MAMLD1: variants seen among roughly 807,000 people sequenced by gnomAD.
The protein encoded by MAMLD1 is mastermind-like domain-containing protein 1.
Under a neutral mutation model 45.0 loss-of-function variants are expected in MAMLD1, and 14 were observed. That is an observed-to-expected ratio of 0.31 (90% CI 0.21 to 0.49). The LOEUF is 0.49. Among genes scored for constraint, MAMLD1 ranks in the 20% least tolerant of loss-of-function variants. The pLI, the probability that MAMLD1 is intolerant of heterozygous loss-of-function variation, is 0.99. For missense variants in MAMLD1, 543 were observed against 603.6 expected (o/e 0.90, Z 1.05); for synonymous variants, 254 against 247.8 (o/e 1.02, Z -0.24).
At chrX:150,463,094 GA>G (rs1443168852) in intron 3 of MAMLD1, among the ~76,000 whole-genome samples, 2 of 112,509 alleles carry the variant, frequency 1.8e-5, no homozygotes, top group Non-Finnish European at 3.8e-5. Context: ...AAATTTAGGT[GA>G]AATGTAGATT....
Position 150,398,338 on chromosome X carries a change from GAA to G in MAMLD1, c.-64+34809_-64+34810del, listed in dbSNP as rs1569564628. Among the ~76,000 whole-genome samples the G allele has an allele frequency of 6.6e-3, 446 of 67,490 alleles. 4 individuals carry two copies. The highest frequency in any genetic ancestry group is 0.011 in the Non-Finnish European group (359 of 33,637). The allele number at this position is 67,490 out of a possible 115,157, so 58.6% of individuals were successfully genotyped here. On this transcript the variant is annotated intron_variant, in intron 1 of 7. Coordinates refer to ENST00000370401, the MANE Select transcript of MAMLD1 (RefSeq NM_005491.5). ...AGAAGAAGAAGAAGAAGAAGAAGAAGAAGAGGAAGAGGAAGAGGAAGAGGAAG... is the reference window on the plus strand; with the variant it reads ...AGAAGAAGAAGAAGAAGAAGAAGAAGGAGGAAGAGGAAGAGGAAGAGGAAG...
At chrX:150,462,172 A>C (rs193197979) in intron 2 of MAMLD1, among the ~76,000 whole-genome samples, 8 of 112,432 alleles carry the variant, frequency 7.1e-5, no homozygotes, top group African/African-American at 2.6e-4. Context: ...ATGTGTGTCC[A>C]AGAGTTAAAC....
chrX:150,438,301 T>G (rs1170555936), intron 1 of MAMLD1, among the ~76,000 whole-genome samples: 3 of 112,288 alleles, frequency 2.7e-5, no homozygotes, highest in African/African-American at 9.7e-5. Flanking sequence ...CATTTTACAT[T>G]CCCACCAGCA....
chrX:150,509,438 G>A (rs1216302882), intron 6 of MAMLD1: 3 of 122,355 alleles, frequency 2.5e-5, no homozygotes, highest in Non-Finnish European at 5.0e-5. Flanking sequence ...GTAGTTTGAA[G>A]TCCAATCCCC....
chrX:150,497,020 G>T (rs1187980043), intron 5 of MAMLD1, among the ~76,000 whole-genome samples: 1 of 112,366 alleles, frequency 8.9e-6, no homozygotes, highest in Non-Finnish European at 1.9e-5. Context: ...TTTACATGAT[G>T]AAGTGAATTT....
In MAMLD1 at chrX:150,513,601, T is replaced by G; in HGVS notation, c.*1642T>G. On this transcript the variant is annotated 3_prime_UTR_variant, in exon 8 of 8. Transcript: ENST00000370401. ...GCCTTGTGTGATTCTTAATCTCTTTTGCGAACCTTTCAGTCTCCGCTAGCT... is the reference window on the plus strand; with the variant it reads ...GCCTTGTGTGATTCTTAATCTCTTTGGCGAACCTTTCAGTCTCCGCTAGCT... The G allele has an allele frequency of 6.7e-6, 2 of 298,967 alleles. No homozygotes were observed. The highest frequency in any genetic ancestry group is 9.5e-5 in the East Asian group (2 of 21,091). The allele number at this position is 298,967 out of a possible 1,213,427, so 24.6% of individuals were successfully genotyped here.
chrX:150,448,041 A>G (rs2035548298), intron 2 of MAMLD1, among the ~76,000 whole-genome samples: 1 of 112,282 alleles, frequency 8.9e-6, no homozygotes, highest in Non-Finnish European at 1.9e-5. Flanking sequence ...CTCTTTTAGC[A>G]GTCCTTGAAT....
intron 3 of MAMLD1, among the ~76,000 whole-genome samples, chrX:150,466,666 T>C (rs1259382995): frequency 1.8e-5 from 2 of 112,141 alleles, no homozygotes; most frequent in Non-Finnish European, 3.8e-5. Flanking sequence ...GAGTAGTCAG[T>C]TGGTTTCTAG....
chrX:150,443,221 T>C (rs1557404607), intron 1 of MAMLD1, among the ~76,000 whole-genome samples: 1 of 102,492 alleles, frequency 9.8e-6, no homozygotes. Context: ...AATTATGTCT[T>C]TGAATACTTT....
chrX:150,402,209 TCAAA>T (rs1378180189), intron 1 of MAMLD1, among the ~76,000 whole-genome samples: 1 of 109,731 alleles, frequency 9.1e-6, no homozygotes, highest in Non-Finnish European at 1.9e-5. Flanking sequence ...TACAATGAAC[TCAAA>T]CAAATTTACA....
At position 150,406,145 on chromosome X, in the gene MAMLD1, C is replaced by G. The variant is rs1557402661; in HGVS notation, c.-63-39309C>G. Among the ~76,000 whole-genome samples, 310 of 111,344 alleles carry G rather than the reference C, an allele frequency of 2.8e-3. 3 individuals carry two copies. The highest frequency in any genetic ancestry group is 9.7e-3 in the African/African-American group (298 of 30,630). ...AGTTGATCTTTACTGAGTTCTCCCT[C>G]TGGATTGAACATGGTGCTTAGGACC... On this transcript the variant is annotated intron_variant, in intron 1 of 7. Coordinates refer to ENST00000370401, the MANE Select transcript of MAMLD1 (RefSeq NM_005491.5).
upstream of MAMLD1, chrX:150,363,030 C>A (rs782065605): frequency 8.8e-6 from 1 of 113,232 alleles, no homozygotes; most frequent in South Asian, 3.6e-4. Context: ...CCCGGGAGGC[C>A]CCTCGGGCGG....
intron 1 of MAMLD1, among the ~76,000 whole-genome samples, chrX:150,403,944 GAAAGA>G (rs1445278126): frequency 4.7e-5 from 2 of 42,118 alleles, no homozygotes; most frequent in Non-Finnish European, 9.1e-5. Context: ...AGAAAGAAAA[GAAAGA>G]AAGAAAGAAA....
intron 1 of MAMLD1, among the ~76,000 whole-genome samples, chrX:150,391,678 C>A (rs1159157374): frequency 9.0e-6 from 1 of 111,452 alleles, no homozygotes; most frequent in Non-Finnish European, 1.9e-5. Context: ...TTAAATAATT[C>A]TAATATCTGA....
intron 5 of MAMLD1, among the ~76,000 whole-genome samples, chrX:150,501,618 G>A (rs1557408528): frequency 8.9e-6 from 1 of 112,270 alleles, no homozygotes; most frequent in Non-Finnish European, 1.9e-5. Flanking sequence ...TCTTGACTTT[G>A]TTGTTTTTGT....
chrX:150,434,488 T>C (rs1240181422), intron 1 of MAMLD1, among the ~76,000 whole-genome samples: 1 of 111,435 alleles, frequency 9.0e-6, no homozygotes, highest in Non-Finnish European at 1.9e-5. Context: ...CTACATCTCC[T>C]GTAGTGGCGA....
At chrX:150,362,139 T>C (rs1226870676), upstream of MAMLD1, among the ~76,000 whole-genome samples, 4 of 111,762 alleles carry the variant, frequency 3.6e-5, no homozygotes, top group African/African-American at 9.8e-5. Flanking sequence ...GCGGGTCTGT[T>C]TGGCAGTCAG....
chrX:150,373,797 G>C, intron 1 of MAMLD1, among the ~76,000 whole-genome samples: 1 of 111,787 alleles, frequency 8.9e-6, no homozygotes. Context: ...GGAGAATCTG[G>C]AGCCTCTAAC....
intron 1 of MAMLD1, among the ~76,000 whole-genome samples, chrX:150,442,701 A>G (rs2035356203): frequency 8.9e-6 from 1 of 112,085 alleles, no homozygotes; most frequent in Non-Finnish European, 1.9e-5. Flanking sequence ...TCAAGAGGAG[A>G]AGGAAAGTCC....
Sources: allele counts gnomAD v4.1 joint callset (sites outside exome capture counted in the v4.1 genomes callset), GRCh38; gene constraint gnomAD v4.1.1; transcripts MANE v1.5; gene names NCBI Gene and HGNC (gene_info 2026-07-23, HGNC 2026-07-21).